ZDHHC3: variants seen among roughly 807,000 people sequenced by gnomAD.
ZDHHC3 encodes the protein zDHHC palmitoyltransferase 3, also known as palmitoyltransferase ZDHHC3.
Under a neutral mutation model 30.6 loss-of-function variants are expected in ZDHHC3, and 9 were observed. The ratio of observed to expected loss-of-function variants is 0.29; its 90% CI spans 0.18 to 0.51. The LOEUF (loss-of-function observed/expected upper bound fraction) is 0.51, where lower values mean the gene tolerates loss of function less well. Ranked by LOEUF, ZDHHC3 falls within the 20% of genes least tolerant of loss-of-function variation. ZDHHC3 has a pLI of 0.97. For missense variants in ZDHHC3, 246 were observed against 384.2 expected (o/e 0.64, Z 3.01); for synonymous variants, 136 against 140.2 (o/e 0.97, Z 0.21).
intron 1 of ZDHHC3, among the ~76,000 whole-genome samples, chr3:44,960,515 A>G (rs1704382403): frequency 6.6e-6 from 1 of 152,266 alleles, no homozygotes; most frequent in Admixed American, 6.5e-5. Context: ...CCAAGAATCA[A>G]TGACTAATAT....
intron 3 of ZDHHC3, 62 bp from the exon 4 acceptor site, chr3:44,934,046 G>T (rs1217569595): frequency 5.4e-6 from 8 of 1,495,184 alleles, no homozygotes; most frequent in Non-Finnish European, 7.5e-6. Context: ...GGCCCCGGGG[G>T]AACGCAGAAC....
chr3:44,956,343 A>T (rs539183006), intron 2 of ZDHHC3, among the ~76,000 whole-genome samples: 3 of 152,172 alleles, frequency 2.0e-5, no homozygotes, highest in Admixed American at 6.5e-5. Context: ...TGCACATAAT[A>T]TAGTGGCAGT....
chr3:44,946,576 G>C (rs1023805580), intron 2 of ZDHHC3, among the ~76,000 whole-genome samples: 1 of 152,178 alleles, frequency 6.6e-6, no homozygotes, highest in South Asian at 2.1e-4. Flanking sequence ...TGTGTTGAGG[G>C]AGCACAGAGG....
chr3:44,925,399 C>T lies in ZDHHC3; in HGVS notation c.*1290G>A, dbSNP rs189881719. 1.6e-4 allele frequency: 156 copies of T among 985,698 alleles called. 1 individual carries two copies. Among genetic ancestry groups the T allele is most frequent in the South Asian group, 1.3e-3 (27 of 21,292 alleles). The allele number at this position is 985,698 out of a possible 1,614,324, so 61.1% of individuals were successfully genotyped here. A position where few individuals can be genotyped will look rare whatever the true frequency, so the allele number is the denominator to read the frequency against. On this transcript the variant is annotated 3_prime_UTR_variant, in exon 7 of 7. Transcript: ENST00000424952. ...AAAAACAAATCAATGTGTGAGAATT[C>T]CCCGATGGTCAATAATCATATTTGT...
intron 3 of ZDHHC3, among the ~76,000 whole-genome samples, chr3:44,934,666 C>T (rs939081710): frequency 9.3e-5 from 14 of 150,694 alleles, no homozygotes; most frequent in Middle Eastern, 3.5e-3. Context: ...CTGAGATGGG[C>T]AGATCATCTG....
chr3:44,932,910 T>C (rs1701623049), intron 5 of ZDHHC3: 15 of 1,614,028 alleles, frequency 9.3e-6, no homozygotes, highest in Non-Finnish European at 1.2e-5. Flanking sequence ...ACTTTACCTG[T>C]CGAACTGAAG....
intron 2 of ZDHHC3, among the ~76,000 whole-genome samples, chr3:44,956,487 T>A (rs1020852884): frequency 4.6e-5 from 7 of 152,198 alleles, no homozygotes; most frequent in African/African-American, 1.7e-4. Context: ...TGAACTGCAT[T>A]CTCAGGCCTG....
intron 1 of ZDHHC3, among the ~76,000 whole-genome samples, chr3:44,973,829 A>C (rs1010261941): frequency 6.6e-6 from 1 of 152,258 alleles, no homozygotes; most frequent in African/African-American, 2.4e-5. Context: ...AGTGTTGAAA[A>C]TTAGAGTATA....
chr3:44,933,108 A>C lies in ZDHHC3; in HGVS notation c.610+10T>G. The C allele has an allele frequency of 6.2e-7, 1 of 1,614,140 alleles. No homozygotes were observed. On this transcript the variant is annotated intron_variant, in intron 5 of 6. Coordinates refer to ENST00000424952, the MANE Select transcript of ZDHHC3 (RefSeq NM_001135179.2). Reference sequence around the variant, plus strand: ...CTGGAGCAGGGAGGAAAGCCTCAGCACATACTCACTTGTCCAATCTTCTTC... The same window carrying C: ...CTGGAGCAGGGAGGAAAGCCTCAGCCCATACTCACTTGTCCAATCTTCTTC...
Position 44,927,143 on chromosome 3 carries a change from C to T in ZDHHC3, c.742-296G>A, listed in dbSNP as rs9851605. On this transcript the variant is annotated intron_variant, in intron 6 of 6. Transcript: ENST00000424952. ...GGGTGTGTCGCTAAGATAAGGAGCG[C>T]GTCTCTCCAGCCCTGGCCCCTTGTT... is the stretch of plus-strand genomic sequence containing the variant. 4.6e-3 allele frequency among the ~76,000 whole-genome samples: 698 copies of T among 152,252 alleles called. 2 individuals carry two copies. Among genetic ancestry groups the T allele is most frequent in the African/African-American group, 0.016 (666 of 41,508 alleles).
At position 44,921,872 on chromosome 3, in the gene ZDHHC3, T is replaced by G. The variant is rs1036060970; in HGVS notation, c.*4817A>C. The G allele has an allele frequency of 2.0e-6, 2 of 985,068 alleles. No homozygotes were observed. Among genetic ancestry groups the G allele is most frequent in the Non-Finnish European group, 2.4e-6 (2 of 829,942 alleles). The allele number at this position is 985,068 out of a possible 1,614,324, so 61.0% of individuals were successfully genotyped here. A position where few individuals can be genotyped will look rare whatever the true frequency, so the allele number is the denominator to read the frequency against. Reference sequence around the variant, plus strand: ...GCCTCAGCTGCAGAAATTCAGGGCATCCTTATGTCCGTGTTAGAGCATGTG... The same window carrying G: ...GCCTCAGCTGCAGAAATTCAGGGCAGCCTTATGTCCGTGTTAGAGCATGTG... On this transcript the variant is annotated 3_prime_UTR_variant, in exon 7 of 7. Coordinates refer to ENST00000424952, the MANE Select transcript of ZDHHC3 (RefSeq NM_001135179.2).
At position 44,949,004 on chromosome 3, in the gene ZDHHC3, CCTCAGTG is replaced by C. The variant is rs549265377; in HGVS notation, c.307-3719_307-3713del. Among the ~76,000 whole-genome samples the C allele has an allele frequency of 1.3e-3, 196 of 152,332 alleles. 2 individuals are homozygous for C. The highest frequency in any genetic ancestry group is 4.6e-3 in the African/African-American group (191 of 41,570). On this transcript the variant is annotated intron_variant, in intron 2 of 6. Transcript: ENST00000424952. The stretch of plus-strand genomic sequence containing the variant: ...GAACACTTGTCCACATGCAAGCGCA[CCTCAGTG>C]CTGCAGGCTCAGACTGAGAGTGGGG...
At chr3:44,933,743 A>G in intron 4 of ZDHHC3, 145 bp downstream of exon 4, 2 of 784,754 alleles carry the variant, frequency 2.5e-6, no homozygotes, top group Non-Finnish European at 4.4e-6. Flanking sequence ...TTGTTGAGCC[A>G]GAGAGATCTT....
rs1700815153 is a variant in ZDHHC3 at position 44,924,249 on chromosome 3, TTCCTG to T, written c.*2435_*2439del. The T allele has an allele frequency of 3.0e-6, 3 of 985,478 alleles. No homozygotes were observed. The highest frequency in any genetic ancestry group is 3.5e-5 in the African/African-American group (2 of 57,374). The allele number at this position is 985,478 out of a possible 1,614,324, so 61.0% of individuals were successfully genotyped here. On this transcript the variant is annotated 3_prime_UTR_variant, in exon 7 of 7. Coordinates refer to ENST00000424952, the MANE Select transcript of ZDHHC3 (RefSeq NM_001135179.2). ...GAGGAGAGCTCAGGGATGCTTTCCC[TTCCTG>T]TCCTGTGTGGAAGCCAGGCTGGGAA...
intron 3 of ZDHHC3, among the ~76,000 whole-genome samples, chr3:44,937,079 A>G (rs542280591): frequency 6.6e-6 from 1 of 152,106 alleles, no homozygotes; most frequent in East Asian, 1.9e-4. Flanking sequence ...TGGGGGCATT[A>G]TTTGTTCAAA....
At chr3:44,965,694 A>G (rs576567989) in intron 1 of ZDHHC3, among the ~76,000 whole-genome samples, 1 of 152,338 alleles carries the variant, frequency 6.6e-6, no homozygotes, top group Non-Finnish European at 1.5e-5. Context: ...CATCAAACAT[A>G]AAGTTCTCTA....
At position 44,920,956 on chromosome 3, in the gene ZDHHC3, T is replaced by A; in HGVS notation, c.*5733A>T. On this transcript the variant is annotated 3_prime_UTR_variant, in exon 7 of 7. Coordinates refer to ENST00000424952, the MANE Select transcript of ZDHHC3 (RefSeq NM_001135179.2). The stretch of plus-strand genomic sequence containing the variant: ...GAGGGCTGCTTTTTCCTGGTAGGAC[T>A]CAATTTTGAGTTTTGTGTGGATTTA... 1.0e-6 allele frequency: 1 copy of A among 985,464 alleles called. No individual in the cohort carries two copies. Among genetic ancestry groups the A allele is most frequent in the Non-Finnish European group, 1.2e-6 (1 of 829,920 alleles). 61.0% of individuals were successfully genotyped at this position (985,464 alleles called of 1,614,324 possible). A position where few individuals can be genotyped will look rare whatever the true frequency, so the allele number is the denominator to read the frequency against.
chr3:44,957,132 G>A (rs1024039353), intron 2 of ZDHHC3, among the ~76,000 whole-genome samples: 1 of 152,114 alleles, frequency 6.6e-6, no homozygotes, highest in Non-Finnish European at 1.5e-5. Flanking sequence ...TGACTTCTTA[G>A]ACCACCTTGA....
At chr3:44,930,309 G>A (rs1042164390) in intron 5 of ZDHHC3, among the ~76,000 whole-genome samples, 3 of 152,240 alleles carry the variant, frequency 2.0e-5, no homozygotes, top group African/African-American at 7.2e-5. Flanking sequence ...AGATGGTGGG[G>A]GTGAGCAGGG....
Sources: allele counts gnomAD v4.1 joint callset (sites outside exome capture counted in the v4.1 genomes callset), GRCh38; gene constraint gnomAD v4.1.1; transcripts MANE v1.5; gene names NCBI Gene and HGNC (gene_info 2026-07-23, HGNC 2026-07-21).